Variants in TSNARE1 observed in about 807,000 individuals in gnomAD.
TSNARE1 encodes the protein t-SNARE domain containing 1.
In TSNARE1, 49 loss-of-function variants were observed where a neutral mutation model predicts 62.0. The observed-to-expected ratio is 0.79, with a 90% CI of 0.63 to 1.00. TSNARE1 has a LOEUF of 1.00. Ranked by LOEUF, TSNARE1 falls within the 50% of genes least tolerant of loss-of-function variation. TSNARE1 has a pLI of 0.00. For synonymous variants in TSNARE1, 328 were observed against 294.4 expected, an observed-to-expected ratio of 1.11 and a Z score of -1.17; for missense variants, 755 against 700.1, an observed-to-expected ratio of 1.08 and a Z score of -0.88.
At position 142,291,067 on chromosome 8, in the gene TSNARE1, C is replaced by T. The variant is rs1390160203; in HGVS notation, c.1291-6582G>A. ...GCCTGTTCCCTCCAACCTCTCCTGC[C>T]CAGGGAGATGAATTGCTGCTCGCCA... is the stretch of plus-strand genomic sequence containing the variant. On this transcript the variant is annotated intron_variant, in intron 10 of 13. Transcript: ENST00000524325. This position sits in a 1 kb window ranked among gnomAD's most constrained non-coding sequence, Gnocchi z 4.8. Among the ~76,000 whole-genome samples the T allele has an allele frequency of 6.6e-6, 1 of 152,094 alleles. No homozygotes were observed. The highest frequency in any genetic ancestry group is 6.6e-5 in the Admixed American group (1 of 15,264).
At chr8:142,258,321 G>A (rs1415672331) in intron 12 of TSNARE1, among the ~76,000 whole-genome samples, 1 of 152,196 alleles carries the variant, frequency 6.6e-6, no homozygotes, top group African/African-American at 2.4e-5. Context: ...GCAGGCATAT[G>A]TAAATGCACG....
intron 12 of TSNARE1, among the ~76,000 whole-genome samples, chr8:142,267,692 T>A (rs2130447472): frequency 6.6e-6 from 1 of 152,244 alleles, no homozygotes; most frequent in Admixed American, 6.5e-5. Flanking sequence ...AAAACACACC[T>A]TGGAAGGCCC....
At chr8:142,375,744 G>A (rs1020800926) in intron 1 of TSNARE1, among the ~76,000 whole-genome samples, 1 of 152,236 alleles carries the variant, frequency 6.6e-6, no homozygotes, top group Non-Finnish European at 1.5e-5. Flanking sequence ...TCCCCGCACA[G>A]AGACCCCCAG....
intron 11 of TSNARE1, among the ~76,000 whole-genome samples, chr8:142,282,742 T>A (rs370019895): frequency 0.22 from 12,040 of 54,970 alleles, no homozygotes; most frequent in African/African-American, 0.35. Flanking sequence ...ACTGTCTGTC[T>A]AAGGGCAAAG....
Position 142,238,043 on chromosome 8 carries a change from G to A in TSNARE1, c.1447-8464C>T, listed in dbSNP as rs532247312. On this transcript the variant is annotated intron_variant, in intron 12 of 13. Coordinates refer to ENST00000524325, the MANE Select transcript of TSNARE1 (RefSeq NM_145003.5). Reference sequence around the variant, plus strand: ...TAGGGAGGCAGCGGCTCCCTCACCCGACCCAGGAAGCACATCCGCTTCACC... The same window carrying A: ...TAGGGAGGCAGCGGCTCCCTCACCCAACCCAGGAAGCACATCCGCTTCACC... 1.2e-4 allele frequency among the ~76,000 whole-genome samples: 18 copies of A among 151,364 alleles called. No homozygotes were observed. The East Asian group carries it at 2.4e-3, about 20-fold the overall frequency.
intron 1 of TSNARE1, among the ~76,000 whole-genome samples, chr8:142,360,887 G>A (rs1272992477): frequency 2.0e-5 from 3 of 152,198 alleles, no homozygotes; most frequent in African/African-American, 4.8e-5. Context: ...CCAGTGTGGG[G>A]GTCTTGAGCC....
Position 142,220,210 on chromosome 8 carries a change from T to C in TSNARE1, c.*12-7897A>G, listed in dbSNP as rs562850361. Among the ~76,000 whole-genome samples, 205 of 152,256 alleles carry C rather than the reference T, an allele frequency of 1.3e-3. 1 individual carries two copies. Among genetic ancestry groups the C allele is most frequent in the Non-Finnish European group, 1.7e-3 (118 of 68,010 alleles). On this transcript the variant is annotated intron_variant, in intron 13 of 13. Transcript: ENST00000524325. ...GTGGGCTGCAGGCCTTCATCCCTAA[T>C]GCTCAGTGGCCCTGCAAGGTAGCAC...
intron 1 of TSNARE1, among the ~76,000 whole-genome samples, chr8:142,381,445 T>G (rs1241915699): frequency 6.6e-6 from 1 of 150,910 alleles, no homozygotes; most frequent in Non-Finnish European, 1.5e-5. Flanking sequence ...CAATGGGCTC[T>G]CCCCTTGCTA....
At chr8:142,297,405 G>A (rs1403943438) in intron 10 of TSNARE1, among the ~76,000 whole-genome samples, 4 of 152,218 alleles carry the variant, frequency 2.6e-5, no homozygotes, top group Non-Finnish European at 5.9e-5. Context: ...CAGCTGGCCC[G>A]TGTGTTCACA....
At chr8:142,337,283 C>A (rs950448520) in intron 4 of TSNARE1, among the ~76,000 whole-genome samples, 1 of 152,194 alleles carries the variant, frequency 6.6e-6, no homozygotes, top group African/African-American at 2.4e-5. Flanking sequence ...TTGGGCATAT[C>A]TTTAAAAGTC....
chr8:142,213,884 C>T (rs78988406), intron 13 of TSNARE1, among the ~76,000 whole-genome samples: 2 of 152,092 alleles, frequency 1.3e-5, no homozygotes, highest in South Asian at 2.1e-4. Context: ...CAGAGCCCAG[C>T]CCCCCAGGAA....
chr8:142,362,149 C>G (rs1250180742), intron 1 of TSNARE1, among the ~76,000 whole-genome samples: 1 of 152,224 alleles, frequency 6.6e-6, no homozygotes, highest in Non-Finnish European at 1.5e-5. Flanking sequence ...AGCCTCTCCA[C>G]AGGCAGGAAT....
At chr8:142,352,369 G>A (rs573575876) in intron 2 of TSNARE1, among the ~76,000 whole-genome samples, 25 of 152,370 alleles carry the variant, frequency 1.6e-4, no homozygotes, top group East Asian at 3.9e-4. Flanking sequence ...ATCACCGTCC[G>A]ACACCCCTGG....
chr8:142,280,948 C>T (rs1465709158), intron 11 of TSNARE1, among the ~76,000 whole-genome samples: 4 of 152,182 alleles, frequency 2.6e-5, no homozygotes, highest in East Asian at 1.9e-4. Flanking sequence ...ATTGAGGGGC[C>T]GGCCTGGCCC....
chr8:142,320,056 TCCCACCAG>T, intron 6 of TSNARE1, among the ~76,000 whole-genome samples: 1 of 151,772 alleles, frequency 6.6e-6, no homozygotes, highest in Non-Finnish European at 1.5e-5. Flanking sequence ...TCACCCCCGC[TCCCACCAG>T]TCCCCTCCTC....
At chr8:142,387,211 G>A (rs775815953) in intron 1 of TSNARE1, among the ~76,000 whole-genome samples, 7 of 152,040 alleles carry the variant, frequency 4.6e-5, no homozygotes, top group Non-Finnish European at 7.4e-5. Flanking sequence ...AAAAACTCTC[G>A]AACCAAAAAG....
At chr8:142,275,147 G>C (rs1820244156) in intron 11 of TSNARE1, 1 of 985,332 alleles carries the variant, frequency 1.0e-6, no homozygotes, top group African/African-American at 1.7e-5. Flanking sequence ...GAAAGGGTGG[G>C]AGTGGCAGGC....
intron 12 of TSNARE1, chr8:142,271,403 T>C: frequency 8.2e-7 from 1 of 1,223,216 alleles, no homozygotes; most frequent in Non-Finnish European, 1.0e-6. Flanking sequence ...CTGCTGCCGG[T>C]GGGAGTCCAG....
rs1034402152 is a variant in TSNARE1 at position 142,270,101 on chromosome 8, T to A, written c.1446+4680A>T. The A allele has an allele frequency of 4.1e-6, 4 of 985,266 alleles. No individual in the cohort carries two copies. In the African/African-American group the frequency reaches 7.0e-5, roughly 17 times the overall value. 61.0% of individuals were successfully genotyped at this position (985,266 alleles called of 1,614,324 possible). Reference sequence around the variant, plus strand: ...TGGGAGCCAGGCAGAGGCCCCAGACTAGCCAAGGCCCGGGCTGGTCCCACC... The same window carrying A: ...TGGGAGCCAGGCAGAGGCCCCAGACAAGCCAAGGCCCGGGCTGGTCCCACC... On this transcript the variant is annotated intron_variant, in intron 12 of 13. Transcript: ENST00000524325.
Sources: allele counts gnomAD v4.1 joint callset (sites outside exome capture counted in the v4.1 genomes callset), GRCh38; gene constraint gnomAD v4.1.1; non-coding constraint Gnocchi (gnomAD v3.1); transcripts MANE v1.5; gene names NCBI Gene and HGNC (gene_info 2026-07-23, HGNC 2026-07-21).